The following PCNX4 variants were observed in gnomAD, a reference collection of about 807,000 sequenced individuals.
PCNX4 encodes the protein pecanex 4.
Under a neutral mutation model 107.2 loss-of-function variants are expected in PCNX4, and 103 were observed. That is an observed-to-expected ratio of 0.96 (90% confidence interval 0.82 to 1.13). PCNX4 has a LOEUF of 1.13. Among genes scored for constraint, PCNX4 ranks in the 50% most tolerant of loss-of-function variants. PCNX4 has a pLI of 0.00. For synonymous variants in PCNX4, 541 were observed against 481.7 expected, an observed-to-expected ratio of 1.12 and a Z score of -1.61; for missense variants, 1,528 against 1,379.4, an observed-to-expected ratio of 1.11 and a Z score of -1.71.
At chr14:60,103,519 A>G (rs1895572344) in intron 1 of PCNX4, among the ~76,000 whole-genome samples, 1 of 152,214 alleles carries the variant, frequency 6.6e-6, no homozygotes, top group African/African-American at 2.4e-5. Flanking sequence ...CCTTTTAAAA[A>G]TAGTTCATTA....
rs185213075 is a variant in PCNX4 at position 60,098,832 on chromosome 14, G to A, written c.-54+6413G>A. Among the ~76,000 whole-genome samples the A allele has an allele frequency of 1.1e-3, 167 of 152,008 alleles. 1 individual carries two copies. Among genetic ancestry groups the A allele is most frequent in the Non-Finnish European group, 2.9e-4 (20 of 67,966 alleles). ...GCATGCCTGTAATCCCAGCTACTCC[G>A]GAGGCTGAGGCAGGAGAATCGCTTG... On this transcript the variant is annotated intron_variant, in intron 1 of 10. Coordinates refer to ENST00000406854, the MANE Select transcript of PCNX4 (RefSeq NM_001330177.2).
At chr14:60,131,141 G>C (rs1357875002) in intron 10 of PCNX4, among the ~76,000 whole-genome samples, 1 of 152,142 alleles carries the variant, frequency 6.6e-6, no homozygotes, top group African/African-American at 2.4e-5. Flanking sequence ...CCAGCCTCTA[G>C]AACTATGAGA....
rs1389149808 is a variant in PCNX4, at chr14:60,134,461, G to C, written c.*240G>C. 7.1e-6 allele frequency: 3 copies of C among 424,978 alleles called. No homozygotes were observed. The highest frequency in any genetic ancestry group is 1.2e-5 in the Non-Finnish European group (3 of 241,708). 26.3% of individuals were successfully genotyped at this position (424,978 alleles called of 1,614,324 possible). On this transcript the variant is annotated 3_prime_UTR_variant, in exon 11 of 11. Transcript: ENST00000406854. ...CAATATTTGTGCCCTCTGGACTTTAGTAGGCTTTGGTAAATGTGAGAAAAC... is the reference window on the plus strand; with the variant it reads ...CAATATTTGTGCCCTCTGGACTTTACTAGGCTTTGGTAAATGTGAGAAAAC...
At chr14:60,106,146 C>G (rs1486087213) in intron 1 of PCNX4, among the ~76,000 whole-genome samples, 1 of 152,050 alleles carries the variant, frequency 6.6e-6, no homozygotes, top group African/African-American at 2.4e-5. Context: ...TCGATTTGGC[C>G]CTGTAGTTCT....
rs971514480 is a variant in PCNX4, at chr14:60,139,989, A to G, written c.*5768A>G. 1.3e-5 allele frequency: 2 copies of G among 152,160 alleles called. No homozygotes were observed. The highest frequency in any genetic ancestry group is 2.9e-5 in the Non-Finnish European group (2 of 68,010). The allele number at this position is 152,160 out of a possible 1,614,324, so 9.4% of individuals were successfully genotyped here. A position where few individuals can be genotyped will look rare whatever the true frequency, so the allele number is the denominator to read the frequency against. On this transcript the variant is annotated 3_prime_UTR_variant, in exon 11 of 11. Transcript: ENST00000406854. The stretch of plus-strand genomic sequence containing the variant: ...ATTGAAAATGAACCTAGTAGTTAAA[A>G]TATTCTAAGAATAGCAAATTAAACC...
intron 2 of PCNX4, chr14:60,110,207 C>T (rs1238876855): frequency 6.0e-6 from 1 of 167,064 alleles, no homozygotes; most frequent in Admixed American, 6.5e-5. Flanking sequence ...TAATGAAGGC[C>T]GACAGTTGAA....
Position 60,144,907 on chromosome 14 carries a change from T to C in PCNX4, c.*10686T>C. The stretch of plus-strand genomic sequence containing the variant: ...TGATTATTCAGAAGCATAAGAAGAT[T>C]GCTGTTTTCATGTTTTCCATTTCTC... On this transcript the variant is annotated 3_prime_UTR_variant, in exon 11 of 11. Transcript: ENST00000406854. The C allele has an allele frequency of 7.4e-7, 1 of 1,349,590 alleles. No homozygotes were observed. Among genetic ancestry groups the C allele is most frequent in the Non-Finnish European group, 1.1e-6 (1 of 943,004 alleles). The allele number at this position is 1,349,590 out of a possible 1,614,324, so 83.6% of individuals were successfully genotyped here. A position where few individuals can be genotyped will look rare whatever the true frequency, so the allele number is the denominator to read the frequency against.
At position 60,103,088 on chromosome 14, in the gene PCNX4, G is replaced by A. The variant is rs144603542; in HGVS notation, c.-53-4498G>A. Among the ~76,000 whole-genome samples, 39 of 152,218 alleles carry A rather than the reference G, an allele frequency of 2.6e-4. No homozygotes were observed. The East Asian group carries it at 6.9e-3, about 27-fold the overall frequency. On this transcript the variant is annotated intron_variant, in intron 1 of 10. Coordinates refer to ENST00000406854, the MANE Select transcript of PCNX4 (RefSeq NM_001330177.2). The stretch of plus-strand genomic sequence containing the variant: ...TTAAATCAGTTTTTAGGTCTGATAT[G>A]CTTGCTACCTGTCAAATTTCTCTGA...
chr14:60,110,670 C>T (rs1387356382), intron 2 of PCNX4: 1 of 167,050 alleles, frequency 6.0e-6, no homozygotes, highest in Non-Finnish European at 1.5e-5. Flanking sequence ...GGAATTTTGC[C>T]TCAGGATGGA....
At position 60,141,863 on chromosome 14, in the gene PCNX4, C is replaced by T. The variant is rs1257755729; in HGVS notation, c.*7642C>T. The T allele has an allele frequency of 6.6e-6, 1 of 152,076 alleles. No homozygotes were observed. Among genetic ancestry groups the T allele is most frequent in the Admixed American group, 6.6e-5 (1 of 15,264 alleles). 9.4% of individuals were successfully genotyped at this position (152,076 alleles called of 1,614,324 possible). ...TTACAAGTCTTTATGTGGACATAAG[C>T]TTTCATTTCTCTTGGGCAAATACCT... On this transcript the variant is annotated 3_prime_UTR_variant, in exon 11 of 11. Coordinates refer to ENST00000406854, the MANE Select transcript of PCNX4 (RefSeq NM_001330177.2).
At position 60,138,868 on chromosome 14, in the gene PCNX4, A is replaced by G. The variant is rs924988468; in HGVS notation, c.*4647A>G. 10 of 152,160 alleles carry G rather than the reference A, an allele frequency of 6.6e-5. No homozygotes were observed. The highest frequency in any genetic ancestry group is 1.9e-4 in the African/African-American group (8 of 41,440). The allele number at this position is 152,160 out of a possible 1,614,324, so 9.4% of individuals were successfully genotyped here. A position where few individuals can be genotyped will look rare whatever the true frequency, so the allele number is the denominator to read the frequency against. ...TCGAGGTTAAAATAAATAATGTTAA[A>G]ATGTGACAATAATATACAAATTTGG... is the stretch of plus-strand genomic sequence containing the variant. On this transcript the variant is annotated 3_prime_UTR_variant, in exon 11 of 11. Coordinates refer to ENST00000406854, the MANE Select transcript of PCNX4 (RefSeq NM_001330177.2).
At chr14:60,119,273 G>A (rs1283606173) in intron 7 of PCNX4, among the ~76,000 whole-genome samples, 1 of 152,166 alleles carries the variant, frequency 6.6e-6, no homozygotes, top group East Asian at 1.9e-4. Context: ...GTAAACTAAT[G>A]TTATGAGTTT....
At chr14:60,132,810 A>G (rs1222611110) in intron 10 of PCNX4, among the ~76,000 whole-genome samples, 1 of 152,226 alleles carries the variant, frequency 6.6e-6, no homozygotes, top group Non-Finnish European at 1.5e-5. Context: ...ACATTTCTTT[A>G]AAGAGGATGT....
At chr14:60,129,268 C>CAAAAAAAAAAAAAG in intron 10 of PCNX4, among the ~76,000 whole-genome samples, 1 of 144,854 alleles carries the variant, frequency 6.9e-6, no homozygotes, top group Non-Finnish European at 1.5e-5. Context: ...GATAACATAA[C>CAAAAAAAAAAAAAG]AAGGCTGGGC....
intron 4 of PCNX4, 102 bp from the exon 5 acceptor site, chr14:60,115,617 C>T (rs1181873543): frequency 1.4e-5 from 18 of 1,326,862 alleles, no homozygotes; most frequent in South Asian, 1.0e-4. Context: ...TTTAGTTCAT[C>T]GCTTAAATGT....
At position 60,136,105 on chromosome 14, in the gene PCNX4, A is replaced by G. The variant is rs1896236507; in HGVS notation, c.*1884A>G. On this transcript the variant is annotated 3_prime_UTR_variant, in exon 11 of 11. Transcript: ENST00000406854. ...GATCCCATCTCCATGACTCTCCCAA[A>G]TTAAAAAAAAAAAAAGTTTTTATTA... 1 of 136,314 alleles carries G rather than the reference A, an allele frequency of 7.3e-6. No individual in the cohort carries two copies. The highest frequency in any genetic ancestry group is 1.5e-5 in the Non-Finnish European group (1 of 66,468). The allele number at this position is 136,314 out of a possible 1,614,324, so 8.4% of individuals were successfully genotyped here.
At chr14:60,127,343 A>C (rs1896074476) in intron 10 of PCNX4, among the ~76,000 whole-genome samples, 2 of 152,212 alleles carry the variant, frequency 1.3e-5, no homozygotes, top group South Asian at 4.1e-4. Context: ...GTTCATGTTT[A>C]ATTGGATCAG....
chr14:60,119,765 C>T (rs1278793327), intron 7 of PCNX4, among the ~76,000 whole-genome samples: 4 of 151,972 alleles, frequency 2.6e-5, no homozygotes, highest in East Asian at 3.9e-4. Context: ...CCAAGAATTG[C>T]GTTATAAAGT....
chr14:60,116,892 G>C (rs1895859390), intron 6 of PCNX4, among the ~76,000 whole-genome samples: 1 of 151,922 alleles, frequency 6.6e-6, no homozygotes, highest in Non-Finnish European at 1.5e-5. Flanking sequence ...AGACTGATAC[G>C]TGTTTTTGTA....
Sources: gnomAD v4.1 joint callset for allele counts (sites outside exome capture counted in the v4.1 genomes callset) on GRCh38, gnomAD v4.1.1 for gene constraint, MANE v1.5 for transcripts, NCBI Gene and HGNC (gene_info 2026-07-23, HGNC 2026-07-21) for gene names.